RGS5: variants seen among roughly 807,000 people sequenced by gnomAD.
RGS5 encodes the protein regulator of G protein signaling 5, also known as regulator of G-protein signalling 5.
Under a neutral mutation model 18.9 loss-of-function variants are expected in RGS5, and 20 were observed. The observed-to-expected ratio is 1.06, with a 90% CI of 0.74 to 1.54. The LOEUF is 1.54. RGS5 is among the 40% of genes most tolerant of loss of function. RGS5 has a pLI of 0.00. For missense variants in RGS5, 201 were observed against 211.8 expected, an observed-to-expected ratio of 0.95 and a Z score of 0.32; for synonymous variants, 57 against 76.2, an observed-to-expected ratio of 0.75 and a Z score of 1.31.
At chr1:163,290,653 CAAAAA>C (rs66595263) in intron 2 of RGS5, among the ~76,000 whole-genome samples, 2 of 128,698 alleles carry the variant, frequency 1.6e-5, no homozygotes. Flanking sequence ...CAGCTCATAC[CAAAAA>C]AAAAAAAAAA....
At chr1:163,284,972 G>A (rs553246569) in intron 2 of RGS5, among the ~76,000 whole-genome samples, 1 of 152,226 alleles carries the variant, frequency 6.6e-6, no homozygotes, top group East Asian at 1.9e-4. Flanking sequence ...TGCCTGGGGA[G>A]GCCTCACAAT....
At chr1:163,221,636 T>C (rs1010656813), upstream of RGS5, among the ~76,000 whole-genome samples, 3 of 152,216 alleles carry the variant, frequency 2.0e-5, no homozygotes, top group Non-Finnish European at 2.9e-5. Context: ...CTGATGTTTG[T>C]TGCAAATTAG....
At chr1:163,218,049 A>T (rs1660256161), upstream of RGS5, among the ~76,000 whole-genome samples, 1 of 151,566 alleles carries the variant, frequency 6.6e-6, no homozygotes, top group African/African-American at 2.4e-5. Context: ...AAAAAAAAAA[A>T]TTGTGTAATA....
intron 2 of RGS5, among the ~76,000 whole-genome samples, chr1:163,165,375 G>A (rs1241680610): frequency 1.3e-5 from 2 of 152,212 alleles, no homozygotes; most frequent in African/African-American, 4.8e-5. Flanking sequence ...TAAGCTATAT[G>A]AATATCTATA....
intron 1 of RGS5, chr1:163,212,478 G>C (rs1234002250): frequency 3.3e-5 from 5 of 152,202 alleles, no homozygotes; most frequent in African/African-American, 1.2e-4. Flanking sequence ...AAACACCTAA[G>C]TACATGGCTT....
At chr1:163,318,333 A>G (rs1256953192) in intron 1 of RGS5, among the ~76,000 whole-genome samples, 2 of 152,136 alleles carry the variant, frequency 1.3e-5, no homozygotes, top group Non-Finnish European at 2.9e-5. Context: ...TAGAAATTTA[A>G]GGAGGCAAGT....
At chr1:163,292,785 C>T (rs530430727) in intron 2 of RGS5, among the ~76,000 whole-genome samples, 76 of 152,218 alleles carry the variant, frequency 5.0e-4, no homozygotes, top group African/African-American at 1.7e-3. Flanking sequence ...TTGAGCTTTT[C>T]TTCATGTGTT....
chr1:163,228,492 C>T (rs762579892), intron 2 of RGS5, among the ~76,000 whole-genome samples: 12 of 152,184 alleles, frequency 7.9e-5, no homozygotes, highest in East Asian at 3.9e-4. Context: ...GCCCTGGACC[C>T]GGCCCAGGAC....
At chr1:163,284,392 A>G (rs985421527) in intron 2 of RGS5, among the ~76,000 whole-genome samples, 2 of 152,254 alleles carry the variant, frequency 1.3e-5, no homozygotes, top group African/African-American at 2.4e-5. Flanking sequence ...GATACTGCTC[A>G]CTTATTTAGA....
At chr1:163,291,255 A>G (rs1359838393) in intron 2 of RGS5, among the ~76,000 whole-genome samples, 1 of 152,190 alleles carries the variant, frequency 6.6e-6, no homozygotes, top group Non-Finnish European at 1.5e-5. Flanking sequence ...AAAAATTGTA[A>G]CAGTGAGAAA....
In RGS5 at chr1:163,168,246, T is replaced by G. The variant is rs781612474; in HGVS notation, c.155+12A>C. The G allele has an allele frequency of 6.3e-7, 1 of 1,590,506 alleles. No individual in the cohort carries two copies. The highest frequency in any genetic ancestry group is 1.1e-5 in the South Asian group (1 of 90,524). On this transcript the variant is annotated intron_variant, in intron 2 of 4. Coordinates refer to ENST00000313961, the MANE Select transcript of RGS5 (RefSeq NM_003617.4). ...CTGGAGGAAATGAGTGGAATCCATATTCATGACTCACTTCTGGGTCTTGGC... is the reference window on the plus strand; with the variant it reads ...CTGGAGGAAATGAGTGGAATCCATAGTCATGACTCACTTCTGGGTCTTGGC...
chr1:163,153,049 G>A (rs748347789), intron 3 of RGS5, among the ~76,000 whole-genome samples: 73 of 152,254 alleles, frequency 4.8e-4, no homozygotes, highest in Admixed American at 2.4e-3. Context: ...TACGTATCAA[G>A]GAACACTATT....
chr1:163,312,633 A>G (rs758543684), intron 1 of RGS5, among the ~76,000 whole-genome samples: 1 of 152,224 alleles, frequency 6.6e-6, no homozygotes, highest in Non-Finnish European at 1.5e-5. Flanking sequence ...TACATTTTAA[A>G]CAGTACTGGA....
intron 1 of RGS5, among the ~76,000 whole-genome samples, chr1:163,193,283 A>G (rs1370674714): frequency 6.6e-6 from 1 of 152,206 alleles, no homozygotes; most frequent in African/African-American, 2.4e-5. Context: ...TAAAGGTCTT[A>G]GCCTCATTTA....
chr1:163,178,520 G>A lies in RGS5; in HGVS notation c.45-10152C>T, dbSNP rs564741037. Among the ~76,000 whole-genome samples, 237 of 152,078 alleles carry A rather than the reference G, an allele frequency of 1.6e-3. 1 individual carries two copies. Among genetic ancestry groups the A allele is most frequent in the Non-Finnish European group, 2.9e-3 (200 of 67,970 alleles). On this transcript the variant is annotated intron_variant, in intron 1 of 4. Coordinates refer to ENST00000313961, the MANE Select transcript of RGS5 (RefSeq NM_003617.4). The stretch of plus-strand genomic sequence containing the variant: ...ACAGAAGGGTACAACAATGTAGTAC[G>A]CCTAATGAGACTTGATCCTAAAAGC...
At chr1:163,301,067 C>T (rs971250124) in intron 2 of RGS5, among the ~76,000 whole-genome samples, 2 of 152,102 alleles carry the variant, frequency 1.3e-5, no homozygotes, top group South Asian at 2.1e-4. Context: ...TGAATAAAGG[C>T]GGGTACTGGT....
chr1:163,147,084 A>T lies in RGS5; in HGVS notation c.*258T>A. The T allele has an allele frequency of 3.3e-6, 1 of 305,722 alleles. No homozygotes were observed. Among genetic ancestry groups the T allele is most frequent in the Non-Finnish European group, 6.0e-6 (1 of 167,770 alleles). 18.9% of individuals were successfully genotyped at this position (305,722 alleles called of 1,614,324 possible). A position where few individuals can be genotyped will look rare whatever the true frequency, so the allele number is the denominator to read the frequency against. Reference sequence around the variant, plus strand: ...TAGGCAGGATTTTTCTGTGATTCTGATTGTGTCTGACTACAAGCTGAAGAT... The same window carrying T: ...TAGGCAGGATTTTTCTGTGATTCTGTTTGTGTCTGACTACAAGCTGAAGAT... On this transcript the variant is annotated 3_prime_UTR_variant, in exon 5 of 5. Coordinates refer to ENST00000313961, the MANE Select transcript of RGS5 (RefSeq NM_003617.4).
At chr1:163,305,049 A>G (rs1649659057) in intron 2 of RGS5, 1 of 152,254 alleles carries the variant, frequency 6.6e-6, no homozygotes, top group Non-Finnish European at 1.5e-5. Context: ...CTGGTTACTT[A>G]TAATAATTAA....
intron 2 of RGS5, 134 bp from the exon 3 acceptor site, chr1:163,162,110 TTTAAG>T (rs1431518269): frequency 1.3e-4 from 79 of 628,188 alleles, no homozygotes; most frequent in Non-Finnish European, 2.1e-4. Flanking sequence ...GACAAGGAAG[TTTAAG>T]TTATTTTCTC....
Sources: gnomAD v4.1 joint callset for allele counts (sites outside exome capture counted in the v4.1 genomes callset) on GRCh38, gnomAD v4.1.1 for gene constraint, MANE v1.5 for transcripts, NCBI Gene and HGNC (gene_info 2026-07-23, HGNC 2026-07-21) for gene names.